RBMS1: variants seen among roughly 807,000 people sequenced by gnomAD.
RBMS1 encodes the protein RNA-binding motif, single-stranded-interacting protein 1.
A neutral mutation model predicts 62.3 loss-of-function variants in RBMS1; 17 were observed. The ratio of observed to expected loss-of-function variants is 0.27; its 90% CI spans 0.19 to 0.41. The LOEUF (loss-of-function observed/expected upper bound fraction) is 0.41, where lower values mean the gene tolerates loss of function less well. RBMS1 is among the 10% of genes least tolerant of loss of function. RBMS1 has a pLI of 1.00. For synonymous variants in RBMS1, 172 were observed against 170.0 expected, an observed-to-expected ratio of 1.01 and a Z score of -0.09; for missense variants, 334 against 504.5, an observed-to-expected ratio of 0.66 and a Z score of 3.24.
chr2:160,420,310 G>C (rs992480256), intron 1 of RBMS1, among the ~76,000 whole-genome samples: 3 of 152,062 alleles, frequency 2.0e-5, no homozygotes, highest in African/African-American at 7.2e-5. Flanking sequence ...AGCTTTGCCA[G>C]GAAACAGCCT....
At chr2:160,488,115 G>A (rs778263608) in intron 1 of RBMS1, among the ~76,000 whole-genome samples, 1 of 152,172 alleles carries the variant, frequency 6.6e-6, no homozygotes, top group African/African-American at 2.4e-5. Context: ...ATTTGCATAT[G>A]TACTCAAATT....
intron 1 of RBMS1, among the ~76,000 whole-genome samples, chr2:160,373,048 C>T (rs1172424571): frequency 6.6e-6 from 1 of 152,154 alleles, no homozygotes; most frequent in Non-Finnish European, 1.5e-5. Context: ...GAAACTGGTT[C>T]TCATATCTTC....
At chr2:160,333,897 A>C (rs922861093) in intron 2 of RBMS1, among the ~76,000 whole-genome samples, 1 of 152,142 alleles carries the variant, frequency 6.6e-6, no homozygotes, top group African/African-American at 2.4e-5. Context: ...ATGAAGCCCC[A>C]TAACATTTCA....
At chr2:160,290,934 C>T (rs1191328436) in intron 6 of RBMS1, among the ~76,000 whole-genome samples, 1 of 152,188 alleles carries the variant, frequency 6.6e-6, no homozygotes, top group Non-Finnish European at 1.5e-5. Context: ...CTCAGGCTGA[C>T]TTGCTGCCCA....
chr2:160,490,611 T>G (rs1685783785), intron 1 of RBMS1, among the ~76,000 whole-genome samples: 1 of 152,054 alleles, frequency 6.6e-6, no homozygotes, highest in South Asian at 2.1e-4. Flanking sequence ...ATGGGGAAAA[T>G]TACAAAATAA....
intron 2 of RBMS1, among the ~76,000 whole-genome samples, chr2:160,346,461 T>C (rs965403121): frequency 6.6e-6 from 1 of 152,018 alleles, no homozygotes; most frequent in African/African-American, 2.4e-5. Context: ...ATCCTTAAAA[T>C]AGAGACAAAT....
chr2:160,421,515 T>C (rs927329874), intron 1 of RBMS1, among the ~76,000 whole-genome samples: 1 of 152,234 alleles, frequency 6.6e-6, no homozygotes, highest in East Asian at 1.9e-4. Flanking sequence ...CCATGGTATA[T>C]ATGTGCCACA....
At chr2:160,438,998 C>T (rs1490245393) in intron 1 of RBMS1, among the ~76,000 whole-genome samples, 9 of 146,226 alleles carry the variant, frequency 6.2e-5, no homozygotes, top group South Asian at 2.2e-4. Context: ...CCGGACGGGG[C>T]GGCTGGCCAG....
rs193212347 is a variant in RBMS1, at chr2:160,490,417, T to A, written c.75+2872A>T. Among the ~76,000 whole-genome samples, 4 of 152,194 alleles carry A rather than the reference T, an allele frequency of 2.6e-5. No individual in the cohort carries two copies. The East Asian group carries it at 5.8e-4, about 22-fold the overall frequency. Reference sequence around the variant, plus strand: ...ATACAATCTCATTCATTTCCACTCATGTCCTGCTCTTCCATAGTACACTCA... The same window carrying A: ...ATACAATCTCATTCATTTCCACTCAAGTCCTGCTCTTCCATAGTACACTCA... On this transcript the variant is annotated intron_variant, in intron 1 of 13. Coordinates refer to ENST00000348849, the MANE Select transcript of RBMS1 (RefSeq NM_016836.4).
intron 1 of RBMS1, among the ~76,000 whole-genome samples, chr2:160,410,964 G>C (rs1033179055): frequency 6.6e-6 from 1 of 152,134 alleles, no homozygotes; most frequent in Non-Finnish European, 1.5e-5. Flanking sequence ...GGATGGTCTC[G>C]ATCTCTTGAC....
At chr2:160,391,878 T>C (rs935344418) in intron 1 of RBMS1, among the ~76,000 whole-genome samples, 3 of 151,710 alleles carry the variant, frequency 2.0e-5, no homozygotes, top group Non-Finnish European at 2.9e-5. Flanking sequence ...CTCGGGAGGC[T>C]GAGGCAGGGA....
chr2:160,323,317 A>G (rs1319079905), intron 2 of RBMS1, among the ~76,000 whole-genome samples: 1 of 151,942 alleles, frequency 6.6e-6, no homozygotes, highest in Non-Finnish European at 1.5e-5. Context: ...CTCGACAAAC[A>G]ATACAAAAAT....
At chr2:160,292,913 A>G (rs1688754002) in intron 6 of RBMS1, among the ~76,000 whole-genome samples, 1 of 152,204 alleles carries the variant, frequency 6.6e-6, no homozygotes, top group South Asian at 2.1e-4. Context: ...TGGATCTGCA[A>G]GACCGCCCTT....
intron 1 of RBMS1, among the ~76,000 whole-genome samples, chr2:160,470,979 A>G (rs1191315339): frequency 6.6e-6 from 1 of 152,340 alleles, no homozygotes; most frequent in East Asian, 1.9e-4. Context: ...CCAAATCTGC[A>G]TATAGCACCC....
chr2:160,447,527 A>G (rs935401796), intron 1 of RBMS1, among the ~76,000 whole-genome samples: 5 of 152,234 alleles, frequency 3.3e-5, no homozygotes, highest in Non-Finnish European at 7.3e-5. Context: ...GATACTTATA[A>G]AAGGATAAAA....
intron 1 of RBMS1, among the ~76,000 whole-genome samples, chr2:160,375,894 T>TG (rs1427086770): frequency 8.7e-6 from 1 of 114,504 alleles, no homozygotes; most frequent in Admixed American, 1.0e-4. Context: ...TCAAAATAAA[T>TG]GGAAAAAAAA....
At chr2:160,309,635 T>G (rs1014430704) in intron 4 of RBMS1, among the ~76,000 whole-genome samples, 2 of 152,128 alleles carry the variant, frequency 1.3e-5, no homozygotes, top group African/African-American at 4.8e-5. Flanking sequence ...GAAAGATCAA[T>G]TTAGGGAGGT....
chr2:160,482,207 A>C (rs1685399445), intron 1 of RBMS1, among the ~76,000 whole-genome samples: 1 of 152,196 alleles, frequency 6.6e-6, no homozygotes, highest in African/African-American at 2.4e-5. Flanking sequence ...GGCCAGACAG[A>C]AAAGGATACA....
rs140858623 is a variant in RBMS1, at chr2:160,384,697, G to A, written c.76-17306C>T. On this transcript the variant is annotated intron_variant, in intron 1 of 13. Coordinates refer to ENST00000348849, the MANE Select transcript of RBMS1 (RefSeq NM_016836.4). ...GATACCATCTATTCCATACTAGCTC[G>A]CAGTGTTGTTGTAAAGATTACACAA... Among the ~76,000 whole-genome samples, 17 of 152,266 alleles carry A rather than the reference G, an allele frequency of 1.1e-4. No individual in the cohort carries two copies. The East Asian group carries it at 2.7e-3, about 24-fold the overall frequency.
Sources: allele counts gnomAD v4.1 joint callset (sites outside exome capture counted in the v4.1 genomes callset), GRCh38; gene constraint gnomAD v4.1.1; transcripts MANE v1.5; gene names NCBI Gene and HGNC (gene_info 2026-07-23, HGNC 2026-07-21).